ASIC2: variants seen among roughly 807,000 people sequenced by gnomAD.
ASIC2 encodes acid-sensing ion channel 2.
In ASIC2, 25 loss-of-function variants were observed where a neutral mutation model predicts 57.3. The observed-to-expected ratio is 0.44, with a 90% CI of 0.32 to 0.61. The LOEUF (loss-of-function observed/expected upper bound fraction) is 0.61. Among genes scored for constraint, ASIC2 ranks in the 20% least tolerant of loss-of-function variants. The pLI, the probability that ASIC2 is intolerant of heterozygous loss-of-function variation, is 0.06. For missense variants in ASIC2, 641 were observed against 738.1 expected (o/e 0.87, Z 1.52); for synonymous variants, 319 against 307.5 (o/e 1.04, Z -0.39).
chr17:33,220,282 G>A (rs1468209810), intron 1 of ASIC2, among the ~76,000 whole-genome samples: 1 of 152,190 alleles, frequency 6.6e-6, no homozygotes, highest in Non-Finnish European at 1.5e-5. Context: ...CTGTTGGAAA[G>A]GCCTTCCTTC....
At chr17:33,778,757 G>A (rs955527815) in intron 1 of ASIC2, among the ~76,000 whole-genome samples, 2 of 152,134 alleles carry the variant, frequency 1.3e-5, no homozygotes, top group African/African-American at 2.4e-5. Context: ...GTAACTAAAC[G>A]CACAGGGTAT....
intron 1 of ASIC2, among the ~76,000 whole-genome samples, chr17:33,851,088 C>A (rs1186488228): frequency 6.6e-6 from 1 of 152,096 alleles, no homozygotes; most frequent in African/African-American, 2.4e-5. Flanking sequence ...GGCAGAGATC[C>A]CCAAAGGGGT....
intron 1 of ASIC2, among the ~76,000 whole-genome samples, chr17:33,760,275 T>C (rs1196677015): frequency 6.6e-6 from 1 of 152,030 alleles, no homozygotes; most frequent in African/African-American, 2.4e-5. Context: ...GAAAAATATT[T>C]TATGGAATAT....
chr17:33,431,753 C>G (rs1003205704), intron 1 of ASIC2, among the ~76,000 whole-genome samples: 2 of 152,022 alleles, frequency 1.3e-5, no homozygotes, highest in Non-Finnish European at 2.9e-5. Flanking sequence ...ACTATGATTG[C>G]GTTAAAATAA....
At chr17:33,833,754 G>C (rs942765285) in intron 1 of ASIC2, among the ~76,000 whole-genome samples, 1 of 152,156 alleles carries the variant, frequency 6.6e-6, no homozygotes, top group African/African-American at 2.4e-5. Context: ...ACTTATTGCT[G>C]GTTTAAAATA....
chr17:33,022,796 C>T (rs73273974), intron 6 of ASIC2, among the ~76,000 whole-genome samples: 5,343 of 152,198 alleles, frequency 0.035, 304 homozygotes, highest in African/African-American at 0.12. Flanking sequence ...AGACAGGTAA[C>T]AAACAAGGAA....
chr17:33,311,555 T>G (rs1183857214), intron 1 of ASIC2, among the ~76,000 whole-genome samples: 1 of 152,090 alleles, frequency 6.6e-6, no homozygotes, highest in Non-Finnish European at 1.5e-5. Context: ...AGGAAACTGC[T>G]AATTCTTCAT....
intron 1 of ASIC2, among the ~76,000 whole-genome samples, chr17:33,858,297 C>T (rs958299973): frequency 1.3e-5 from 2 of 152,128 alleles, no homozygotes; most frequent in Non-Finnish European, 2.9e-5. Context: ...AGAAGCACAG[C>T]GAGTAATGCC....
intron 1 of ASIC2, among the ~76,000 whole-genome samples, chr17:33,901,708 A>G (rs1597922803): frequency 6.6e-6 from 1 of 152,184 alleles, no homozygotes; most frequent in East Asian, 1.9e-4. Flanking sequence ...CTAAAGGTGT[A>G]GAATTCTGAT....
chr17:33,570,437 G>A (rs1455965939), intron 1 of ASIC2, among the ~76,000 whole-genome samples: 1 of 152,174 alleles, frequency 6.6e-6, no homozygotes, highest in Admixed American at 6.5e-5. Context: ...TTAAAGGAAG[G>A]GTGCATGTTA....
intron 1 of ASIC2, among the ~76,000 whole-genome samples, chr17:33,569,632 C>A (rs1916365047): frequency 6.6e-6 from 1 of 152,158 alleles, no homozygotes; most frequent in Non-Finnish European, 1.5e-5. Context: ...TCCATCCATG[C>A]ACACACCCAG....
At chr17:33,545,492 T>C (rs1028134246) in intron 1 of ASIC2, among the ~76,000 whole-genome samples, 3 of 152,182 alleles carry the variant, frequency 2.0e-5, no homozygotes, top group African/African-American at 7.2e-5. Context: ...CTGTGCTCTA[T>C]TTTTCAATAT....
chr17:33,900,235 AT>A (rs1208985971), intron 1 of ASIC2, among the ~76,000 whole-genome samples: 2 of 152,206 alleles, frequency 1.3e-5, no homozygotes, highest in Non-Finnish European at 2.9e-5. Flanking sequence ...AGCCAGTTTA[AT>A]CTGGAGAGAA....
intron 1 of ASIC2, among the ~76,000 whole-genome samples, chr17:33,304,033 A>G (rs1906069667): frequency 6.6e-6 from 1 of 152,236 alleles, no homozygotes; most frequent in South Asian, 2.1e-4. Flanking sequence ...TTCACAGTAG[A>G]GCTTTTCATA....
At chr17:34,119,668 A>G (rs1911541692) in intron 1 of ASIC2, among the ~76,000 whole-genome samples, 1 of 151,704 alleles carries the variant, frequency 6.6e-6, no homozygotes, top group Admixed American at 6.6e-5. Context: ...GCCCTGGAAG[A>G]GCCCACTCCC....
At chr17:34,091,958 G>C (rs1319144741) in intron 1 of ASIC2, among the ~76,000 whole-genome samples, 2 of 152,152 alleles carry the variant, frequency 1.3e-5, no homozygotes, top group Non-Finnish European at 2.9e-5. Context: ...GGATGAAAAG[G>C]GAAGACATTA....
At position 34,088,743 on chromosome 17, in the gene ASIC2, G is replaced by A. The variant is rs945542744; in HGVS notation, c.555+67235C>T. ...TACCTAAGCAAGCCTGGGCAATGGC[G>A]GGCGCCCCTCCCCAGCCTCGCTGCA... is the stretch of plus-strand genomic sequence containing the variant. On this transcript the variant is annotated intron_variant, in intron 1 of 9. Transcript: ENST00000359872. Among the ~76,000 whole-genome samples the A allele has an allele frequency of 1.8e-4, 28 of 152,324 alleles. No individual in the cohort carries two copies. In the South Asian group the frequency reaches 3.1e-3, roughly 17 times the overall value.
At position 33,562,784 on chromosome 17, in the gene ASIC2, C is replaced by T. The variant is rs558668949; in HGVS notation, c.556-450717G>A. ...ATGGCACCAACTACTTGGAATGGAC[C>T]CAGCAGCTAGCTAGGAGGTAGGGGT... On this transcript the variant is annotated intron_variant, in intron 1 of 9. Coordinates refer to the ASIC2 transcript ENST00000359872. 5.9e-5 allele frequency among the ~76,000 whole-genome samples: 9 copies of T among 152,228 alleles called. No individual in the cohort carries two copies. In the South Asian group the frequency reaches 1.9e-3, roughly 32 times the overall value.
intron 1 of ASIC2, among the ~76,000 whole-genome samples, chr17:33,846,633 G>A (rs962969610): frequency 7.9e-5 from 12 of 151,894 alleles, no homozygotes; most frequent in Non-Finnish European, 8.8e-5. Context: ...GATGTTTGCC[G>A]TTAAACACAC....
Sources: gnomAD v4.1 joint callset for allele counts (sites outside exome capture counted in the v4.1 genomes callset) on GRCh38, gnomAD v4.1.1 for gene constraint, MANE v1.5 for transcripts, NCBI Gene and HGNC (gene_info 2026-07-23, HGNC 2026-07-21) for gene names.